The following TMPRSS11F variants were observed in gnomAD, a reference collection of about 807,000 sequenced individuals.
TMPRSS11F encodes the protein transmembrane serine protease 11F, also known as transmembrane protease serine 11F.
A neutral mutation model predicts 60.2 loss-of-function variants in TMPRSS11F; 47 were observed. The observed-to-expected ratio is 0.78, with a 90% CI of 0.62 to 1.00. The LOEUF (loss-of-function observed/expected upper bound fraction) is 1.00. TMPRSS11F is among the 50% of genes least tolerant of loss of function. The pLI, the probability that TMPRSS11F is intolerant of heterozygous loss-of-function variation, is 0.00. For missense variants in TMPRSS11F, 519 were observed against 522.9 expected (o/e 0.99, Z 0.07); for synonymous variants, 166 against 167.3 (o/e 0.99, Z 0.06).
At chr4:68,060,042 C>T (rs1723125590) in intron 8 of TMPRSS11F, among the ~76,000 whole-genome samples, 1 of 151,934 alleles carries the variant, frequency 6.6e-6, no homozygotes, top group African/African-American at 2.4e-5. Context: ...AGTTGAATAT[C>T]GAAAATAAGT....
At chr4:68,076,492 T>G (rs912600452) in intron 3 of TMPRSS11F, among the ~76,000 whole-genome samples, 2 of 152,220 alleles carry the variant, frequency 1.3e-5, no homozygotes, top group African/African-American at 4.8e-5. Context: ...CATCGGTTAC[T>G]TCTCTTTCTG....
intron 2 of TMPRSS11F, among the ~76,000 whole-genome samples, chr4:68,092,937 C>G (rs1390242366): frequency 1.3e-5 from 2 of 152,054 alleles, no homozygotes; most frequent in Non-Finnish European, 2.9e-5. Context: ...ATATTAGTCA[C>G]TATACTATAG....
intron 1 of TMPRSS11F, among the ~76,000 whole-genome samples, chr4:68,127,358 C>T (rs978845219): frequency 6.6e-5 from 10 of 151,986 alleles, no homozygotes; most frequent in Admixed American, 3.3e-4. Flanking sequence ...TTTGTTTTTT[C>T]GCATTGATCA....
chr4:68,106,485 T>C (rs2109877409), intron 1 of TMPRSS11F, among the ~76,000 whole-genome samples: 1 of 152,260 alleles, frequency 6.6e-6, no homozygotes, highest in East Asian at 1.9e-4. Context: ...AATCAGAGGA[T>C]TGCAAAAAAT....
rs190426513 is a variant in TMPRSS11F, at chr4:68,054,644, G to A, written c.1159-577C>T. Among the ~76,000 whole-genome samples, 241 of 152,212 alleles carry A rather than the reference G, an allele frequency of 1.6e-3. 3 individuals are homozygous for A. The highest frequency in any genetic ancestry group is 0.01 in the South Asian group (49 of 4,816). On this transcript the variant is annotated intron_variant, in intron 9 of 9. Coordinates refer to ENST00000356291, the MANE Select transcript of TMPRSS11F (RefSeq NM_207407.2). ...CTCAGCAGCTGAAATGCCGGTTTCA[G>A]GTCCAGCTCTATTAATTACTGGCTG...
chr4:68,054,399 A>T (rs1337046429), intron 9 of TMPRSS11F, among the ~76,000 whole-genome samples: 1 of 152,166 alleles, frequency 6.6e-6, no homozygotes, highest in Non-Finnish European at 1.5e-5. Context: ...AGCATTTGTA[A>T]GCCTAGGTAT....
chr4:68,114,147 C>T (rs574464026), intron 1 of TMPRSS11F, among the ~76,000 whole-genome samples: 1 of 151,870 alleles, frequency 6.6e-6, no homozygotes, highest in South Asian at 2.1e-4. Flanking sequence ...GATTTAAATT[C>T]TTAATTAGAA....
Position 68,053,759 on chromosome 4 carries a change from G to A in TMPRSS11F, c.*150C>T. 4.4e-6 allele frequency: 3 copies of A among 675,046 alleles called. No individual in the cohort carries two copies. The highest frequency in any genetic ancestry group is 2.4e-6 in the Non-Finnish European group (1 of 422,652). 41.8% of individuals were successfully genotyped at this position (675,046 alleles called of 1,614,324 possible). A position where few individuals can be genotyped will look rare whatever the true frequency, so the allele number is the denominator to read the frequency against. ...AGGGTTTGGTCCTACGTATGTAAAG[G>A]CCACCTCAGGATATTAGATTTGTCT... On this transcript the variant is annotated 3_prime_UTR_variant, in exon 10 of 10. Transcript: ENST00000356291.
intron 1 of TMPRSS11F, among the ~76,000 whole-genome samples, chr4:68,120,266 T>C (rs186628271): frequency 6.6e-6 from 1 of 152,264 alleles, no homozygotes; most frequent in East Asian, 1.9e-4. Flanking sequence ...ATAATACATA[T>C]GCTTAGTTGA....
At chr4:68,058,349 T>C (rs1405761413) in intron 9 of TMPRSS11F, among the ~76,000 whole-genome samples, 4 of 152,204 alleles carry the variant, frequency 2.6e-5, no homozygotes, top group African/African-American at 4.8e-5. Context: ...AATACAATTA[T>C]GATTTATCAA....
intron 3 of TMPRSS11F, among the ~76,000 whole-genome samples, chr4:68,081,930 T>G (rs1232154935): frequency 1.3e-5 from 2 of 152,082 alleles, no homozygotes; most frequent in Non-Finnish European, 2.9e-5. Context: ...TTGCCACCAA[T>G]GAAAAATAAC....
intron 3 of TMPRSS11F, among the ~76,000 whole-genome samples, chr4:68,078,345 G>A (rs768076488): frequency 1.3e-5 from 2 of 152,056 alleles, no homozygotes; most frequent in Non-Finnish European, 2.9e-5. Flanking sequence ...AAACTCTAAT[G>A]ACAATTAAGT....
intron 6 of TMPRSS11F, among the ~76,000 whole-genome samples, chr4:68,069,751 C>T (rs1482376832): frequency 6.6e-6 from 1 of 151,724 alleles, no homozygotes; most frequent in Non-Finnish European, 1.5e-5. Context: ...TTTTTAACCA[C>T]ATCTCGTAGG....
intron 3 of TMPRSS11F, among the ~76,000 whole-genome samples, chr4:68,081,111 T>C (rs745309714): frequency 4.6e-5 from 7 of 152,212 alleles, no homozygotes; most frequent in African/African-American, 7.2e-5. Flanking sequence ...CTAGTTGTTG[T>C]AGTTTTAGAA....
chr4:68,080,001 G>C (rs1723658793), intron 3 of TMPRSS11F: 1 of 152,184 alleles, frequency 6.6e-6, no homozygotes, highest in African/African-American at 2.4e-5. Context: ...TCCCTTTTGA[G>C]GTTCACCCAT....
At chr4:68,105,745 C>T (rs1724292076) in intron 1 of TMPRSS11F, among the ~76,000 whole-genome samples, 1 of 152,084 alleles carries the variant, frequency 6.6e-6, no homozygotes, top group African/African-American at 2.4e-5. Flanking sequence ...TAAAGTTACT[C>T]ACTAATATTA....
intron 3 of TMPRSS11F, among the ~76,000 whole-genome samples, chr4:68,087,984 C>T (rs1723850038): frequency 6.7e-6 from 1 of 149,822 alleles, no homozygotes; most frequent in South Asian, 2.1e-4. Context: ...GTTTTTTGTT[C>T]TTGCGATAGT....
chr4:68,087,099 T>C (rs2109860891), intron 3 of TMPRSS11F, among the ~76,000 whole-genome samples: 1 of 152,186 alleles, frequency 6.6e-6, no homozygotes, highest in East Asian at 1.9e-4. Context: ...ATACTCCTTA[T>C]AAACATAGAT....
At chr4:68,129,747 T>A in intron 1 of TMPRSS11F, 63 bp downstream of exon 1, 1 of 1,510,216 alleles carries the variant, frequency 6.6e-7, no homozygotes, top group Middle Eastern at 1.7e-4. Context: ...GTACTACCTG[T>A]CTCAGGAATT....
Sources: allele counts gnomAD v4.1 joint callset (sites outside exome capture counted in the v4.1 genomes callset), GRCh38; gene constraint gnomAD v4.1.1; transcripts MANE v1.5; gene names NCBI Gene and HGNC (gene_info 2026-07-23, HGNC 2026-07-21).